CLCN5: variants seen among roughly 807,000 people sequenced by gnomAD.
CLCN5 encodes the protein Cl-/H+ antiporter 5.
CLCN5 carries 17 observed loss-of-function variants against 54.0 expected under a neutral mutation model. The ratio of observed to expected loss-of-function variants is 0.31; its 90% CI spans 0.22 to 0.47. CLCN5 has a LOEUF of 0.47. Among genes scored for constraint, CLCN5 ranks in the 20% least tolerant of loss-of-function variants. The probability of loss-of-function intolerance (pLI) is 1.00; values close to 1 mark genes in which losing one functional copy is unlikely to be tolerated. For synonymous variants in CLCN5, 222 were observed against 233.0 expected (o/e 0.95, Z 0.43); for missense variants, 448 against 646.7 (o/e 0.69, Z 3.33).
Position 49,971,282 on chromosome X carries a change from T to C in CLCN5, c.16+45968T>C, listed in dbSNP as rs370141185. ...TATATATTTTTATATATATTATTTA[T>C]ATATATTTATATATATATATAATCA... On this transcript the variant is annotated intron_variant, in intron 3 of 14. Coordinates refer to ENST00000376091, the MANE Select transcript of CLCN5 (RefSeq NM_001127898.4). Among the ~76,000 whole-genome samples the C allele has an allele frequency of 4.5e-3, 467 of 103,823 alleles. 1 individual carries two copies. Among genetic ancestry groups the C allele is most frequent in the African/African-American group, 0.015 (447 of 29,029 alleles). The allele number at this position is 103,823 out of a possible 115,157, so 90.2% of individuals were successfully genotyped here.
chrX:50,060,563 G>C (rs1410194640), intron 4 of CLCN5, among the ~76,000 whole-genome samples: 2 of 108,398 alleles, frequency 1.8e-5, no homozygotes, highest in Non-Finnish European at 3.8e-5. Flanking sequence ...ACTGCAAGGC[G>C]GCAGCGAGGC....
intron 3 of CLCN5, among the ~76,000 whole-genome samples, chrX:50,005,379 G>A (rs1020919916): frequency 9.0e-6 from 1 of 111,541 alleles, no homozygotes; most frequent in Admixed American, 9.5e-5. Flanking sequence ...TATTTCATTA[G>A]GGGTTGCAAA....
intron 3 of CLCN5, among the ~76,000 whole-genome samples, chrX:50,031,852 A>C: frequency 1.1e-5 from 1 of 95,206 alleles, no homozygotes; most frequent in South Asian, 6.4e-4. Flanking sequence ...TGTATTTCCT[A>C]ATGCTATCCC....
chrX:50,075,392 A>G (rs1248424545), intron 6 of CLCN5, among the ~76,000 whole-genome samples: 1 of 111,132 alleles, frequency 9.0e-6, no homozygotes, highest in Non-Finnish European at 1.9e-5. Context: ...GTATATATGT[A>G]TATGTATATA....
intron 3 of CLCN5, among the ~76,000 whole-genome samples, chrX:49,982,276 C>G (rs1262640206): frequency 9.1e-6 from 1 of 109,570 alleles, no homozygotes; most frequent in Non-Finnish European, 1.9e-5. Flanking sequence ...CAAATAGCAT[C>G]ATATAAAACC....
intron 4 of CLCN5, chrX:50,068,152 C>T (rs1401620842): frequency 2.7e-5 from 3 of 111,772 alleles, no homozygotes; most frequent in African/African-American, 6.5e-5. Context: ...GGAGCATTAA[C>T]CTGCCTTAAA....
chrX:50,054,368 C>T (rs1395320537), intron 4 of CLCN5: 2 of 111,273 alleles, frequency 1.8e-5, no homozygotes, highest in African/African-American at 6.5e-5. Flanking sequence ...AAAGTATTTT[C>T]CCCTGAGGCC....
intron 4 of CLCN5, among the ~76,000 whole-genome samples, chrX:50,063,726 A>G (rs1557190311): frequency 9.1e-6 from 1 of 109,862 alleles, no homozygotes; most frequent in African/African-American, 3.4e-5. Context: ...TTTTAGACCA[A>G]TATCCTTGAT....
chrX:49,969,239 A>G (rs1404502574), intron 3 of CLCN5, among the ~76,000 whole-genome samples: 2 of 111,019 alleles, frequency 1.8e-5, no homozygotes, highest in Admixed American at 9.6e-5. Context: ...CACCACATCC[A>G]ACTAATTTTT....
chrX:50,052,927 T>TG (rs1932636221), intron 4 of CLCN5, among the ~76,000 whole-genome samples: 1 of 111,991 alleles, frequency 8.9e-6, no homozygotes, highest in African/African-American at 3.2e-5. Context: ...ATTTGTCAGT[T>TG]GTACCTTCAT....
chrX:50,076,101 G>A, intron 7 of CLCN5, 119 bp downstream of exon 7: 4 of 653,161 alleles, frequency 6.1e-6, no homozygotes, highest in Non-Finnish European at 9.8e-6. Flanking sequence ...ACAGAAAGGG[G>A]AACCAGTACC....
At chrX:50,056,472 A>G (rs1476163095) in intron 4 of CLCN5, among the ~76,000 whole-genome samples, 1 of 111,410 alleles carries the variant, frequency 9.0e-6, no homozygotes, top group African/African-American at 3.3e-5. Context: ...TTTTGTGGGG[A>G]GCCCTCTCAG....
chrX:50,096,818 G>T lies in CLCN5; in HGVS notation c.*4599G>T, dbSNP rs1934278313. ...ATTGTGTGCCTCAAGGGGAGAAAAA[G>T]TCAAGCAATGCTTCAAAGGCCAGGC... On this transcript the variant is annotated 3_prime_UTR_variant, in exon 15 of 15. Transcript: ENST00000376091. 3.6e-5 allele frequency: 4 copies of T among 112,445 alleles called. No individual in the cohort carries two copies. In the South Asian group the frequency reaches 1.5e-3, roughly 42 times the overall value. 9.3% of individuals were successfully genotyped at this position (112,445 alleles called of 1,213,427 possible).
At chrX:49,963,882 C>T (rs1927723594) in intron 3 of CLCN5, among the ~76,000 whole-genome samples, 1 of 112,328 alleles carries the variant, frequency 8.9e-6, no homozygotes, top group African/African-American at 3.2e-5. Context: ...TAAACTAGCA[C>T]CTTTCTTATC....
chrX:49,946,769 A>G (rs1244524055), intron 3 of CLCN5, among the ~76,000 whole-genome samples: 2 of 111,234 alleles, frequency 1.8e-5, no homozygotes, highest in Non-Finnish European at 3.8e-5. Flanking sequence ...TCTGTCTGCT[A>G]TATTTGGCAT....
Position 49,925,168 on chromosome X carries a change from C to T in CLCN5, c.-128-3C>T. ...GTATTCATTTTTCTGTTTACATTTTCAGGTTTGGGGCTTTAGCCCCTTGGA... is the reference window on the plus strand; with the variant it reads ...GTATTCATTTTTCTGTTTACATTTTTAGGTTTGGGGCTTTAGCCCCTTGGA... On this transcript the variant is annotated splice_polypyrimidine_tract_variant and splice_region_variant and intron_variant, in intron 2 of 14. Transcript: ENST00000376091. 1 of 666,554 alleles carries T rather than the reference C, an allele frequency of 1.5e-6. No homozygotes were observed. Among genetic ancestry groups the T allele is most frequent in the Non-Finnish European group, 2.4e-6 (1 of 415,895 alleles). The allele number at this position is 666,554 out of a possible 1,213,427, so 54.9% of individuals were successfully genotyped here.
intron 3 of CLCN5, among the ~76,000 whole-genome samples, chrX:49,963,089 G>A (rs1209802231): frequency 5.4e-5 from 6 of 111,963 alleles, no homozygotes; most frequent in African/African-American, 1.9e-4. Context: ...ATTGAGGTAG[G>A]TAAGAACAAG....
At chrX:49,992,171 G>A (rs1027433032) in intron 3 of CLCN5, among the ~76,000 whole-genome samples, 1 of 108,572 alleles carries the variant, frequency 9.2e-6, no homozygotes, top group Non-Finnish European at 1.9e-5. Flanking sequence ...AAACGGTCCC[G>A]GGGTCTCTCT....
chrX:49,969,678 C>T (rs1384026911), intron 3 of CLCN5, among the ~76,000 whole-genome samples: 1 of 111,718 alleles, frequency 9.0e-6, no homozygotes, highest in Non-Finnish European at 1.9e-5. Context: ...TGTTTTATGG[C>T]CCAGAATATG....
Sources: gnomAD v4.1 joint callset for allele counts (sites outside exome capture counted in the v4.1 genomes callset) on GRCh38, gnomAD v4.1.1 for gene constraint, MANE v1.5 for transcripts, NCBI Gene and HGNC (gene_info 2026-07-23, HGNC 2026-07-21) for gene names.